CEP72: variants seen among roughly 807,000 people sequenced by gnomAD.
CEP72 encodes centrosomal protein 72.
In CEP72, 78 loss-of-function variants were observed where a neutral mutation model predicts 65.7. The observed-to-expected ratio is 1.19, with a 90% CI of 0.99 to 1.43. The LOEUF is 1.43. Ranked by LOEUF, CEP72 falls within the 40% of genes most tolerant of loss-of-function variation. The pLI is 0.00. For synonymous variants in CEP72, 358 were observed against 351.7 expected (o/e 1.02, Z -0.20); for missense variants, 914 against 832.9 (o/e 1.10, Z -1.20).
At chr5:658,954 C>T (rs565065756), downstream of CEP72, among the ~76,000 whole-genome samples, 7 of 152,266 alleles carry the variant, frequency 4.6e-5, no homozygotes, top group East Asian at 1.3e-3. Flanking sequence ...AGGTGTGAGC[C>T]ACCGCGCCCG....
intron 1 of CEP72, among the ~76,000 whole-genome samples, chr5:616,031 AT>A (rs903193126): frequency 3.3e-5 from 5 of 152,010 alleles, no homozygotes; most frequent in African/African-American, 7.2e-5. Flanking sequence ...TAATATTATG[AT>A]TTTTTTTAAA....
chr5:635,014 G>T (rs1018677785), intron 5 of CEP72, among the ~76,000 whole-genome samples: 1 of 152,174 alleles, frequency 6.6e-6, no homozygotes, highest in African/African-American at 2.4e-5. Flanking sequence ...TCCTGCCTCA[G>T]CCTCCCAAGT....
intron 11 of CEP72, among the ~76,000 whole-genome samples, chr5:649,183 T>C (rs980315761): frequency 5.2e-5 from 5 of 96,672 alleles, no homozygotes; most frequent in African/African-American, 4.4e-5. Flanking sequence ...GACTGTGAGG[T>C]GTGACTGTGA....
At chr5:644,715 T>C (rs1738300144) in intron 10 of CEP72, among the ~76,000 whole-genome samples, 1 of 152,176 alleles carries the variant, frequency 6.6e-6, no homozygotes, top group South Asian at 2.1e-4. Context: ...GGGCTGCAGC[T>C]GCTGGAGGGG....
rs149402754 is a variant in CEP72 at position 643,074 on chromosome 5, TGTG to T, written c.1540-1220_1540-1218del. 9.1e-3 allele frequency: 8,957 copies of T among 983,666 alleles called. 615 individuals carry two copies. The African/African-American group carries it at 0.14, about 16-fold the overall frequency. 60.9% of individuals were successfully genotyped at this position (983,666 alleles called of 1,614,324 possible). The stretch of plus-strand genomic sequence containing the variant: ...AGACTCCAAAAAATAAAAAATTAGG[TGTG>T]GTGGCACACTCCTGTCATCCCAGCT... On this transcript the variant is annotated intron_variant, in intron 9 of 11. Transcript: ENST00000264935.
intron 1 of CEP72, among the ~76,000 whole-genome samples, chr5:615,506 G>A (rs897470642): frequency 1.3e-5 from 2 of 152,072 alleles, no homozygotes; most frequent in Non-Finnish European, 2.9e-5. Context: ...TGTTACGGTA[G>A]CTTCTTTTGA....
rs144812690 is a variant in CEP72, at chr5:639,278, C to T, written c.1342+54C>T. On this transcript the variant is annotated intron_variant, in intron 8 of 11. Coordinates refer to ENST00000264935, the MANE Select transcript of CEP72 (RefSeq NM_018140.4). ...CTGTAGGCAGCGTCTGTGTGGGTTC[C>T]GGGGTCCTCTGCGTGTGGTGACCTA... is the stretch of plus-strand genomic sequence containing the variant. 9,602 of 1,513,284 alleles carry T rather than the reference C, an allele frequency of 6.3e-3. 39 individuals are homozygous for T. The highest frequency in any genetic ancestry group is 7.8e-3 in the Non-Finnish European group (8,832 of 1,128,022). 93.7% of individuals were successfully genotyped at this position (1,513,284 alleles called of 1,614,324 possible).
At position 637,670 on chromosome 5, in the gene CEP72, GC is replaced by G. The variant is rs748920540; in HGVS notation, c.1061del (p.Pro354ArgfsTer14). The G allele has an allele frequency of 1.5e-5, 24 of 1,613,822 alleles. No individual in the cohort carries two copies. In the South Asian group the frequency reaches 2.4e-4, roughly 16 times the overall value. ...TTTTCGGACCAGGAGGGTTTGGGCT[GC>G]CCGGAGAGAACTCATGGGTCCTCCG... is the stretch of plus-strand genomic sequence containing the variant. ...QTFSDQEGLG[C>X]PERTHGSSVP... is the part of the protein sequence containing the mutation. On this transcript the variant is annotated frameshift_variant, in exon 7 of 12. Coordinates refer to ENST00000264935, the MANE Select transcript of CEP72 (RefSeq NM_018140.4). LOFTEE classifies it high-confidence loss of function.
intron 9 of CEP72, chr5:644,096 C>G (rs761210150): frequency 2.3e-5 from 13 of 565,230 alleles, no homozygotes; most frequent in Non-Finnish European, 4.1e-5. Flanking sequence ...TCACTTCCCC[C>G]CTCCCCTGAG....
intron 9 of CEP72, chr5:642,273 C>T (rs1738103499): frequency 1.0e-6 from 1 of 984,820 alleles, no homozygotes; most frequent in Non-Finnish European, 1.2e-6. Context: ...AACGTGGCCC[C>T]TCCTCTGGAA....
exon 4 of CEP72, chr5:665,947 C>T (rs772994317): frequency 2.0e-6 from 3 of 1,516,142 alleles, no homozygotes; most frequent in South Asian, 2.4e-5. Flanking sequence ...CCAGGCCCCG[C>T]CTTCCATCCC....
chr5:655,294 G>A (rs1694488760), downstream of CEP72, among the ~76,000 whole-genome samples: 2 of 152,150 alleles, frequency 1.3e-5, no homozygotes, highest in South Asian at 4.2e-4. This position sits in a 1 kb window ranked among gnomAD's most constrained non-coding sequence, Gnocchi z 5.0. Context: ...GGGAGGCGGA[G>A]GTTGCAGTGA....
chr5:644,176 C>G (rs1580004755), intron 9 of CEP72, 123 bp from the exon 10 acceptor site: 5 of 1,091,794 alleles, frequency 4.6e-6, no homozygotes, highest in Non-Finnish European at 6.7e-6. Context: ...TACTGCCTTT[C>G]ACATCGTGAC....
chr5:650,245 ACTGTGAGG>A (rs1738905231), intron 11 of CEP72, among the ~76,000 whole-genome samples: 4 of 53,872 alleles, frequency 7.4e-5, no homozygotes, highest in African/African-American at 4.4e-4. Flanking sequence ...TGAGGCGTGG[ACTGTGAGG>A]TGTGACTGTG....
At position 633,893 on chromosome 5, in the gene CEP72, G is replaced by C; in HGVS notation, c.637G>C (p.Gly213Arg). 2.5e-6 allele frequency: 4 copies of C among 1,613,278 alleles called. No homozygotes were observed. The highest frequency in any genetic ancestry group is 1.1e-5 in the South Asian group (1 of 91,088). Residue 213 changes from glycine (G) to arginine (R), a missense_variant, in exon 5 of 12, where the codon GGG becomes CGG. Transcript: ENST00000264935. ...CGAGTGGGACCTCGGCAGGCCTCCC[G>C]GGAGCACGAGCTTCAGCCAGAAGGG... is the stretch of plus-strand genomic sequence containing the variant. ...ECEWDLGRPPGSTSFSQKGRE... is the reference protein window; with the variant it reads ...ECEWDLGRPPRSTSFSQKGRE...
intron 5 of CEP72, among the ~76,000 whole-genome samples, chr5:634,338 G>T (rs910786286): frequency 6.6e-6 from 1 of 152,194 alleles, no homozygotes; most frequent in African/African-American, 2.4e-5. Flanking sequence ...CAGACCTGTA[G>T]ATCCCAGCAA....
intron 11 of CEP72, among the ~76,000 whole-genome samples, chr5:648,574 G>A (rs55689078): frequency 0.38 from 38,621 of 102,024 alleles, 6,364 homozygotes; most frequent in African/African-American, 0.61. Flanking sequence ...GGACTGTGAG[G>A]TGTGACTGTG....
intron 11 of CEP72, among the ~76,000 whole-genome samples, chr5:651,937 G>A (rs903546320): frequency 4.6e-5 from 7 of 152,048 alleles, no homozygotes; most frequent in South Asian, 2.1e-4. Flanking sequence ...GGTCATAGGC[G>A]TAGCCAGGCT....
At chr5:670,331 C>T (rs1740172680), downstream of CEP72, among the ~76,000 whole-genome samples, 1 of 152,190 alleles carries the variant, frequency 6.6e-6, no homozygotes, top group Non-Finnish European at 1.5e-5. Flanking sequence ...CTCCCCTGGG[C>T]TCTCTGGGCC....
Sources: gnomAD v4.1 joint callset for allele counts (sites outside exome capture counted in the v4.1 genomes callset) on GRCh38, gnomAD v4.1.1 for gene constraint, Gnocchi (gnomAD v3.1) non-coding constraint, MANE v1.5 for transcripts, NCBI Gene and HGNC (gene_info 2026-07-23, HGNC 2026-07-21) for gene names.